The following DNAAF8 variants were observed in gnomAD, a reference collection of about 807,000 sequenced individuals.
DNAAF8 encodes dynein axonemal assembly factor 8, also known as dynein axonemal-associated protein 1.
DNAAF8 carries 61 observed loss-of-function variants against 54.6 expected under a neutral mutation model. That is an observed-to-expected ratio of 1.12 (90% CI 0.91 to 1.38). The LOEUF (loss-of-function observed/expected upper bound fraction) is 1.38. Among genes scored for constraint, DNAAF8 ranks in the 40% most tolerant of loss-of-function variants. The probability of loss-of-function intolerance (pLI) is 0.00; values close to 1 mark genes in which losing one functional copy is unlikely to be tolerated. For synonymous variants in DNAAF8, 320 were observed against 270.1 expected (o/e 1.18, Z -1.81); for missense variants, 837 against 665.0 (o/e 1.26, Z -2.85).
intron 6 of DNAAF8, 92 bp downstream of exon 6, chr16:4,745,103 T>TC (rs1354681292): frequency 1.4e-6 from 2 of 1,445,490 alleles, no homozygotes; most frequent in African/African-American, 1.4e-5. Flanking sequence ...GGCGGGGCAC[T>TC]CCATGTGCAT....
chr16:4,737,884 G>C lies in DNAAF8; in HGVS notation c.214G>C (p.Asp72His), dbSNP rs755789871. 8.1e-6 allele frequency: 13 copies of C among 1,614,116 alleles called. No homozygotes were observed. In the African/African-American group the frequency reaches 1.7e-4, roughly 22 times the overall value. The part of the protein sequence containing the change: ...IPDLSEELAE[D>H]PADGDKSRAW... ...AGACCTGTCGGAGGAGCTGGCTGAA[G>C]ATCCTGCCGATGGCGACAAGTCCAG... Residue 72 changes from aspartate (D) to histidine (H), a missense_variant, in exon 3 of 10, where the codon GAT becomes CAT. By Grantham distance (81) the Asp-to-His change is moderately conservative (BLOSUM62 -1). Coordinates refer to ENST00000299320, the MANE Select transcript of DNAAF8 (RefSeq NM_139170.3).
chr16:4,743,865 GTA>G (rs1368735877), intron 5 of DNAAF8: 3 of 151,610 alleles, frequency 2.0e-5, no homozygotes, highest in Non-Finnish European at 4.4e-5. Context: ...GTGTGCATGT[GTA>G]TGTGTGTGTG....
intron 5 of DNAAF8, among the ~76,000 whole-genome samples, chr16:4,744,223 G>C (rs1259016134): frequency 1.3e-5 from 2 of 152,170 alleles, no homozygotes; most frequent in Non-Finnish European, 2.9e-5. Context: ...GAGCCACCGC[G>C]CTTGGCCGAA....
Position 4,747,432 on chromosome 16 carries a change from C to A in DNAAF8, c.1370C>A (p.Pro457His). 1 of 1,613,066 alleles carries A rather than the reference C, an allele frequency of 6.2e-7. No individual in the cohort carries two copies. The highest frequency in any genetic ancestry group is 8.5e-7 in the Non-Finnish European group (1 of 1,179,936). The stretch of plus-strand genomic sequence containing the variant: ...CCCGAGCTGCCTGCCAGCAAGGGGC[C>A]CGCGGGTGGGAGGGCTCAGGCCCCT... The part of the protein sequence containing the change: ...AQPELPASKG[P>H]AGGRAQAPED... Residue 457 changes from proline to histidine, a missense_variant, in exon 9 of 10, where the codon CCC (proline) becomes CAC (histidine). Transcript: ENST00000299320.
intron 3 of DNAAF8, among the ~76,000 whole-genome samples, chr16:4,739,288 T>G (rs9936484): frequency 7.1e-6 from 1 of 140,758 alleles, no homozygotes; most frequent in African/African-American, 2.7e-5. Flanking sequence ...TTTTTTTTTG[T>G]AATGTGGGAT....
At chr16:4,747,214 GGCTGCCTGAATT>G in intron 8 of DNAAF8, 117 bp from the exon 9 acceptor site, 2 of 1,290,032 alleles carry the variant, frequency 1.6e-6, no homozygotes, top group Non-Finnish European at 2.1e-6. Flanking sequence ...AGCAGTGATG[GGCTGCCTGAATT>G]GCATTCTTGC....
chr16:4,747,455 C>T lies in DNAAF8; in HGVS notation c.1393C>T (p.Pro465Ser), dbSNP rs781595597. ...GCCCGCGGGTGGGAGGGCTCAGGCC[C>T]CTGAAGACACAGCTGGATCACGAAC... The part of the protein sequence containing the change: ...KGPAGGRAQA[P>S]EDTAGSRTGR... Residue 465 changes from proline (P) to serine (S), a missense_variant, in exon 9 of 10, where the codon CCT becomes TCT. Physicochemically the swap from Pro to Ser is moderately conservative, Grantham distance 74. Transcript: ENST00000299320. 33 of 1,613,092 alleles carry T rather than the reference C, an allele frequency of 2.0e-5. No homozygotes were observed. The South Asian group carries it at 3.6e-4, about 18-fold the overall frequency.
chr16:4,737,718 G>A, intron 2 of DNAAF8, 82 bp from the exon 3 acceptor site: 3 of 1,514,224 alleles, frequency 2.0e-6, no homozygotes, highest in Non-Finnish European at 2.7e-6. Flanking sequence ...AGTGAGAGTG[G>A]AGAGTGGAGA....
In DNAAF8 at chr16:4,734,654, A is replaced by G. The variant is rs893235084; in HGVS notation, c.-96A>G. The G allele has an allele frequency of 6.6e-5, 10 of 152,258 alleles. No homozygotes were observed. The highest frequency in any genetic ancestry group is 2.4e-4 in the African/African-American group (10 of 41,422). The allele number at this position is 152,258 out of a possible 1,614,324, so 9.4% of individuals were successfully genotyped here. Reference sequence around the variant, plus strand: ...CGGAGTGACGCGCTGGAGGCTGTTTATAGCGCTGTCAGGACAGCGCGGGGA... The same window carrying G: ...CGGAGTGACGCGCTGGAGGCTGTTTGTAGCGCTGTCAGGACAGCGCGGGGA... On this transcript the variant is annotated 5_prime_UTR_variant, in exon 1 of 10. Coordinates refer to ENST00000299320, the MANE Select transcript of DNAAF8 (RefSeq NM_139170.3).
intron 2 of DNAAF8, among the ~76,000 whole-genome samples, chr16:4,737,276 C>T (rs1438373970): frequency 6.6e-6 from 1 of 152,154 alleles, no homozygotes; most frequent in Non-Finnish European, 1.5e-5. Flanking sequence ...TCAGGGACCT[C>T]AGACGTCATC....
Position 4,740,654 on chromosome 16 carries a change from C to T in DNAAF8, c.778C>T (p.Leu260Phe), listed in dbSNP as rs1330283752. The T allele has an allele frequency of 1.1e-5, 17 of 1,594,040 alleles. No individual in the cohort carries two copies. Among genetic ancestry groups the T allele is most frequent in the Non-Finnish European group, 1.3e-5 (15 of 1,173,054 alleles). The change falls in exon 4 of 10, where the codon CTC becomes TTC. Residue 260 changes from leucine (L) to phenylalanine (F), a missense_variant. By Grantham distance (22) the Leu-to-Phe change is conservative. Transcript: ENST00000299320. Reference protein sequence around the residue: ...EPPEGPPVLSLQQLEAWDLDD... With the variant: ...EPPEGPPVLSFQQLEAWDLDD... ...TCCGGAGGGACCACCAGTGCTCTCG[C>T]TCCAGGTAGGCGCCTCCCCGTGCCT...
intron 3 of DNAAF8, 47 bp downstream of exon 3, chr16:4,737,993 G>A (rs1172813907): frequency 5.0e-6 from 8 of 1,586,348 alleles, no homozygotes; most frequent in Non-Finnish European, 6.9e-6. Context: ...TGCGATGTTA[G>A]TCTAAACTGA....
At chr16:4,741,976 C>A (rs767965304) in intron 4 of DNAAF8, among the ~76,000 whole-genome samples, 1 of 152,204 alleles carries the variant, frequency 6.6e-6, no homozygotes, top group African/African-American at 2.4e-5. Flanking sequence ...CAGGTATACA[C>A]AGAAGTCATC....
At chr16:4,737,400 C>T (rs529760063) in intron 2 of DNAAF8, among the ~76,000 whole-genome samples, 2 of 152,338 alleles carry the variant, frequency 1.3e-5, no homozygotes, top group East Asian at 3.9e-4. Context: ...TTCAAGAAGA[C>T]AAACTAAGCT....
chr16:4,735,808 T>C (rs908481061), intron 1 of DNAAF8, among the ~76,000 whole-genome samples: 1 of 152,010 alleles, frequency 6.6e-6, no homozygotes, highest in Non-Finnish European at 1.5e-5. Context: ...ATAAAAATGT[T>C]AGCCAGATGT....
Position 4,746,414 on chromosome 16 carries a change from C to T in DNAAF8, c.1083C>T (p.Gly361=), listed in dbSNP as rs776331529. Residue 361 remains glycine, a synonymous_variant, in exon 7 of 10, where the codon GGC becomes GGT. Coordinates refer to ENST00000299320, the MANE Select transcript of DNAAF8 (RefSeq NM_139170.3). ...SRKQGSQAGP[G]PQLAQGMRLN... The stretch of plus-strand genomic sequence containing the variant: ...AGCAGGGCTCCCAGGCTGGGCCAGG[C>T]CCGCAGCTGGCCCAGGGCATGAGGC... The T allele has an allele frequency of 6.2e-7, 1 of 1,613,034 alleles. No homozygotes were observed. Among genetic ancestry groups the T allele is most frequent in the Non-Finnish European group, 8.5e-7 (1 of 1,179,382 alleles).
rs1218913646 is a variant in DNAAF8 at position 4,746,362 on chromosome 16, T to C, written c.1044-13T>C. The C allele has an allele frequency of 6.2e-7, 1 of 1,607,492 alleles. No homozygotes were observed. Among genetic ancestry groups the C allele is most frequent in the Non-Finnish European group, 8.5e-7 (1 of 1,177,166 alleles). On this transcript the variant is annotated splice_polypyrimidine_tract_variant and intron_variant, in intron 6 of 9. Transcript: ENST00000299320. ...GAGAACTGACTCCACAACACCTGCTTTTCTCATTTCAGATGTGCCTCAAGG... is the reference window on the plus strand; with the variant it reads ...GAGAACTGACTCCACAACACCTGCTCTTCTCATTTCAGATGTGCCTCAAGG...
At chr16:4,746,549 C>T in intron 7 of DNAAF8, 37 bp downstream of exon 7, 1 of 1,594,582 alleles carries the variant, frequency 6.3e-7, no homozygotes, top group Non-Finnish European at 8.5e-7. Context: ...CCAGCCTCTA[C>T]TTTGCAGAGT....
chr16:4,740,830 G>C (rs551442013), intron 4 of DNAAF8, among the ~76,000 whole-genome samples, 171 bp downstream of exon 4: 2 of 152,244 alleles, frequency 1.3e-5, no homozygotes, highest in Admixed American at 6.5e-5. Flanking sequence ...GGTCCCAGCA[G>C]AGCACATCCT....
Sources: gnomAD v4.1 joint callset for allele counts (sites outside exome capture counted in the v4.1 genomes callset) on GRCh38, gnomAD v4.1.1 for gene constraint, MANE v1.5 for transcripts, NCBI Gene and HGNC (gene_info 2026-07-23, HGNC 2026-07-21) for gene names.